The following ALPK2 variants were observed in gnomAD, a reference collection of about 807,000 sequenced individuals.
ALPK2 encodes alpha-protein kinase 2.
Under a neutral mutation model 163.1 loss-of-function variants are expected in ALPK2, and 127 were observed. The ratio of observed to expected loss-of-function variants is 0.78; its 90% CI spans 0.67 to 0.90. ALPK2 has a LOEUF of 0.90. Ranked by LOEUF, ALPK2 falls within the 40% of genes least tolerant of loss-of-function variation. ALPK2 has a pLI of 0.00. For missense variants in ALPK2, 2,360 were observed against 2,589.6 expected (o/e 0.91, Z 1.92); for synonymous variants, 953 against 959.1 (o/e 0.99, Z 0.12).
At chr18:58,561,358 A>AGGAAT in intron 4 of ALPK2, among the ~76,000 whole-genome samples, 1 of 152,342 alleles carries the variant, frequency 6.6e-6, no homozygotes, top group South Asian at 2.1e-4. Context: ...CTGGGCCTTC[A>AGGAAT]GGAATGGGCC....
At chr18:58,553,116 A>G (rs2051768396) in intron 4 of ALPK2, among the ~76,000 whole-genome samples, 1 of 152,214 alleles carries the variant, frequency 6.6e-6, no homozygotes, top group African/African-American at 2.4e-5. Flanking sequence ...CACTGGAGCT[A>G]GGCCAGAAGT....
At chr18:58,620,303 CAAACA>C (rs999346782) in intron 1 of ALPK2, among the ~76,000 whole-genome samples, 1 of 152,010 alleles carries the variant, frequency 6.6e-6, no homozygotes, top group Non-Finnish European at 1.5e-5. Context: ...AACAAAAAAA[CAAACA>C]AAACAAAACT....
At chr18:58,532,390 G>A (rs1016956224) in intron 5 of ALPK2, among the ~76,000 whole-genome samples, 1 of 152,142 alleles carries the variant, frequency 6.6e-6, no homozygotes, top group Non-Finnish European at 1.5e-5. Context: ...AGGACTGCAG[G>A]GTCAGAACCT....
rs546781116 is a variant in ALPK2, at chr18:58,538,158, C to T, written c.2029G>A (p.Ala677Thr). The change falls in exon 5 of 13, where the codon GCT becomes ACT. Residue 677 changes from alanine (A) to threonine (T), a missense_variant. Transcript: ENST00000361673. The part of the protein sequence containing the change: ...CSQMPAFSEP[A>T]GEESPFTGTT... Reference sequence around the variant, plus strand: ...CCAGTGAATGGGGACTCCTCCCCAGCAGGCTCTGAGAAAGCTGGCATCTGG... The same window carrying T: ...CCAGTGAATGGGGACTCCTCCCCAGTAGGCTCTGAGAAAGCTGGCATCTGG... 15 of 1,613,822 alleles carry T rather than the reference C, an allele frequency of 9.3e-6. No individual in the cohort carries two copies. In the South Asian group the frequency reaches 1.3e-4, roughly 14 times the overall value.
chr18:58,558,505 T>C (rs954737478), intron 4 of ALPK2, among the ~76,000 whole-genome samples: 2 of 152,258 alleles, frequency 1.3e-5, no homozygotes, highest in Non-Finnish European at 2.9e-5. Context: ...GCATAGCTGC[T>C]TTGAAAACCA....
At chr18:58,518,280 A>G (rs1302097476) in intron 8 of ALPK2, among the ~76,000 whole-genome samples, 8 of 152,216 alleles carry the variant, frequency 5.3e-5, no homozygotes, top group African/African-American at 1.9e-4. Flanking sequence ...GGTAGCTATT[A>G]AAACTATAAG....
rs374271622 is a variant in ALPK2 at position 58,517,093 on chromosome 18, C to T, written c.5755G>A (p.Ala1919Thr). Residue 1919 changes from alanine (A) to threonine (T), a missense_variant, in exon 9 of 13, where the codon GCC (alanine) becomes ACC (threonine). Transcript: ENST00000361673. ...TCTCCAAAGTGCAGCTCCTCCGTGG[C>T]GATCTGACCACGCAGGCGGCCCCCA... is the stretch of plus-strand genomic sequence containing the variant. ...YFGGRLRGQI[A>T]TEELHFGEGV... is the part of the protein sequence containing the mutation. 37 of 1,614,080 alleles carry T rather than the reference C, an allele frequency of 2.3e-5. No homozygotes were observed. In the East Asian group the frequency reaches 3.8e-4, roughly 17 times the overall value.
At position 58,523,820 on chromosome 18, in the gene ALPK2, C is replaced by A. The variant is rs371591011; in HGVS notation, c.5651G>T (p.Arg1884Leu). The A allele has an allele frequency of 1.9e-6, 3 of 1,614,106 alleles. No individual in the cohort carries two copies. Among genetic ancestry groups the A allele is most frequent in the Non-Finnish European group, 2.5e-6 (3 of 1,180,004 alleles). ...AACTGACTTACCTTTAGTATCCTGG[C>A]GACTTGACAGCTGTTTGAGAACTAG... ...TAEVLKQLSS[R>L]QDTKGCEEIE... The change falls in exon 8 of 13, where the codon CGC (arginine) becomes CTC (leucine). Residue 1884 changes from arginine (R) to leucine (L), a missense_variant. Arg to Leu is a moderately radical substitution (Grantham distance 102). Coordinates refer to ENST00000361673, the MANE Select transcript of ALPK2 (RefSeq NM_052947.4).
rs1485076207 is a variant in ALPK2, at chr18:58,611,799, C to T, written c.-2G>A. ...CTGGGGCCCTTCGGAGTCTTTCATC[C>T]TTTCATGCCGCACCAAATCTGAAAA... is the stretch of plus-strand genomic sequence containing the variant. On this transcript the variant is annotated 5_prime_UTR_variant, in exon 2 of 13. Transcript: ENST00000361673. 2.6e-6 allele frequency: 4 copies of T among 1,547,434 alleles called. No homozygotes were observed. In the African/African-American group the frequency reaches 5.6e-5, roughly 22 times the overall value.
At chr18:58,549,344 A>C (rs2051737452) in intron 4 of ALPK2, among the ~76,000 whole-genome samples, 1 of 152,220 alleles carries the variant, frequency 6.6e-6, no homozygotes, top group Non-Finnish European at 1.5e-5. Context: ...ACTGAGGAGG[A>C]CTATGGTGCA....
At chr18:58,613,204 T>TA (rs2052143361) in intron 1 of ALPK2, among the ~76,000 whole-genome samples, 1 of 152,176 alleles carries the variant, frequency 6.6e-6, no homozygotes, top group Non-Finnish European at 1.5e-5. Context: ...CACCAACACC[T>TA]AAAAAATCTC....
chr18:58,627,495 G>T (rs531198961), intron 1 of ALPK2, among the ~76,000 whole-genome samples: 1 of 152,060 alleles, frequency 6.6e-6, no homozygotes, highest in African/African-American at 2.4e-5. Flanking sequence ...ATGGTGGCAG[G>T]CACCCGTAAT....
At chr18:58,553,910 A>G (rs1309377733) in intron 4 of ALPK2, among the ~76,000 whole-genome samples, 2 of 121,270 alleles carry the variant, frequency 1.6e-5, no homozygotes, top group South Asian at 2.8e-4. Flanking sequence ...CACTCAGGCT[A>G]GAGTGCAGTG....
intron 3 of ALPK2, among the ~76,000 whole-genome samples, chr18:58,601,981 T>G (rs762581810): frequency 7.9e-5 from 12 of 152,174 alleles, no homozygotes; most frequent in Non-Finnish European, 1.2e-4. Context: ...TCCCGCCAGA[T>G]GCAGTAGCAC....
At chr18:58,614,539 T>C (rs1304032200) in intron 1 of ALPK2, among the ~76,000 whole-genome samples, 1 of 152,158 alleles carries the variant, frequency 6.6e-6, no homozygotes, top group East Asian at 1.9e-4. Flanking sequence ...AGCAAATAAA[T>C]ACCTCCATTC....
chr18:58,578,142 A>G (rs995457598), intron 4 of ALPK2: 2 of 152,226 alleles, frequency 1.3e-5, no homozygotes, highest in East Asian at 3.8e-4. Flanking sequence ...GTAATAAGGG[A>G]AAACAAATTT....
intron 3 of ALPK2, among the ~76,000 whole-genome samples, chr18:58,593,767 A>G (rs570588509): frequency 6.6e-6 from 1 of 152,008 alleles, no homozygotes; most frequent in Non-Finnish European, 1.5e-5. Context: ...AATCCCAGCT[A>G]CTTGGGAGGC....
chr18:58,526,714 T>C (rs2051586904), intron 6 of ALPK2, among the ~76,000 whole-genome samples: 1 of 152,188 alleles, frequency 6.6e-6, no homozygotes, highest in Non-Finnish European at 1.5e-5. Flanking sequence ...ACTTTCTTCT[T>C]CTTGGTTTCT....
At chr18:58,522,182 C>T (rs1375239488) in intron 8 of ALPK2, among the ~76,000 whole-genome samples, 2 of 152,126 alleles carry the variant, frequency 1.3e-5, no homozygotes, top group African/African-American at 4.8e-5. Flanking sequence ...GAGGCTGGAC[C>T]ACCGTGGTAT....
Sources: allele counts gnomAD v4.1 joint callset (sites outside exome capture counted in the v4.1 genomes callset), GRCh38; gene constraint gnomAD v4.1.1; transcripts MANE v1.5; gene names NCBI Gene and HGNC (gene_info 2026-07-23, HGNC 2026-07-21).